The following TM9SF4 variants were observed in gnomAD, a reference collection of about 807,000 sequenced individuals.
TM9SF4 encodes dinucleotide oxidase disulfide thiol exchanger 3 superfamily member 4.
Under a neutral mutation model 90.4 loss-of-function variants are expected in TM9SF4, and 26 were observed. The observed-to-expected ratio is 0.29, with a 90% CI of 0.21 to 0.40. The LOEUF (loss-of-function observed/expected upper bound fraction) is 0.40. TM9SF4 is among the 10% of genes least tolerant of loss of function. TM9SF4 has a pLI of 1.00. For synonymous variants in TM9SF4, 293 were observed against 315.4 expected, an observed-to-expected ratio of 0.93 and a Z score of 0.75; for missense variants, 549 against 834.8, an observed-to-expected ratio of 0.66 and a Z score of 4.22.
At chr20:32,154,966 ACTTT>A (rs1569101900) in intron 12 of TM9SF4, 133 bp from the exon 13 acceptor site, 1 of 697,212 alleles carries the variant, frequency 1.4e-6, no homozygotes, top group African/African-American at 1.7e-5. Flanking sequence ...GTCAGGGAAT[ACTTT>A]CTGGAAGGAA....
At chr20:32,126,179 A>G (rs1246163934) in intron 1 of TM9SF4, among the ~76,000 whole-genome samples, 27 of 151,746 alleles carry the variant, frequency 1.8e-4, no homozygotes, top group Non-Finnish European at 2.9e-5. Flanking sequence ...GAGTCTCCTC[A>G]CTGCACTGAG....
At position 32,166,143 on chromosome 20, in the gene TM9SF4, G is replaced by C. The variant is rs1461573034; in HGVS notation, c.*699G>C. On this transcript the variant is annotated 3_prime_UTR_variant, in exon 18 of 18. Transcript: ENST00000398022. Reference sequence around the variant, plus strand: ...ATCCCCTGGAAGTACTGGGGGCCAGGTTCCCCAGACAGCAGGAATTGCCCC... The same window carrying C: ...ATCCCCTGGAAGTACTGGGGGCCAGCTTCCCCAGACAGCAGGAATTGCCCC... 6.5e-6 allele frequency: 1 copy of C among 152,926 alleles called. No homozygotes were observed. The highest frequency in any genetic ancestry group is 2.4e-5 in the African/African-American group (1 of 41,472). 9.5% of individuals were successfully genotyped at this position (152,926 alleles called of 1,614,324 possible). A position where few individuals can be genotyped will look rare whatever the true frequency, so the allele number is the denominator to read the frequency against.
chr20:32,144,426 G>C (rs570238570), intron 6 of TM9SF4, among the ~76,000 whole-genome samples: 12 of 152,330 alleles, frequency 7.9e-5, no homozygotes, highest in African/African-American at 2.9e-4. Flanking sequence ...GAATGAGTAG[G>C]CATGATGGAA....
chr20:32,161,388 C>T, intron 17 of TM9SF4, 23 bp downstream of exon 17: 2 of 1,602,080 alleles, frequency 1.2e-6, no homozygotes, highest in Non-Finnish European at 1.7e-6. Context: ...TTGAGGAGGT[C>T]CTCTTAGTCC....
chr20:32,131,481 A>AGTGTGTGTGTGTGTGTGTGTGT (rs10524812), intron 1 of TM9SF4, among the ~76,000 whole-genome samples: 7 of 147,556 alleles, frequency 4.7e-5, no homozygotes, highest in African/African-American at 1.5e-4. Context: ...GAGTCATCAG[A>AGTGTGTGTGTGTGTGTGTGTGT]GTGTGTGTGT....
intron 9 of TM9SF4, 142 bp from the exon 10 acceptor site, chr20:32,149,492 G>A (rs1485048094): frequency 2.2e-5 from 23 of 1,044,844 alleles, no homozygotes; most frequent in Admixed American, 7.9e-5. Context: ...TTTCAGATAA[G>A]CACTTTCTCC....
chr20:32,140,567 G>A (rs536713640), intron 3 of TM9SF4, among the ~76,000 whole-genome samples: 7 of 152,188 alleles, frequency 4.6e-5, no homozygotes, highest in Admixed American at 6.5e-5. Context: ...AGCGTTTGAT[G>A]CCTGCCTACT....
chr20:32,116,174 A>G (rs2046219675), intron 1 of TM9SF4: 1 of 152,108 alleles, frequency 6.6e-6, no homozygotes, highest in African/African-American at 2.4e-5. Context: ...ACGTTTACAC[A>G]TATGCAGCTG....
chr20:32,152,774 C>T (rs547576225), intron 12 of TM9SF4, among the ~76,000 whole-genome samples: 2 of 152,320 alleles, frequency 1.3e-5, no homozygotes, highest in Admixed American at 1.3e-4. Context: ...TGCATCAGTC[C>T]TCCAGAGGCT....
At position 32,123,845 on chromosome 20, in the gene TM9SF4, C is replaced by CATATATATATAT. The variant is rs778502518; in HGVS notation, c.16-9157_16-9146dup. Among the ~76,000 whole-genome samples, 21 of 108,690 alleles carry CATATATATATAT rather than the reference C, an allele frequency of 1.9e-4. No homozygotes were observed. The East Asian group carries it at 3.5e-3, about 18-fold the overall frequency. The allele number at this position is 108,690 out of a possible 152,430, so 71.3% of individuals were successfully genotyped here. A position where few individuals can be genotyped will look rare whatever the true frequency, so the allele number is the denominator to read the frequency against. On this transcript the variant is annotated intron_variant, in intron 1 of 17. Transcript: ENST00000398022. ...TCTCTAGCTCACGTGTTCTCTCTCT[C>CATATATATATAT]ATATATATATATATATATATATTTT...
chr20:32,147,437 CTATTCTGCATGCCAAATACA>C (rs1451882419), intron 9 of TM9SF4, among the ~76,000 whole-genome samples: 2 of 152,098 alleles, frequency 1.3e-5, no homozygotes, highest in African/African-American at 4.8e-5. Flanking sequence ...AATTGTAAAA[CTATTCTGCATGCCAAATACA>C]TAAACAAAAC....
At chr20:32,126,896 G>A (rs986231481) in intron 1 of TM9SF4, among the ~76,000 whole-genome samples, 2 of 151,976 alleles carry the variant, frequency 1.3e-5, no homozygotes, top group African/African-American at 2.4e-5. Context: ...CCACCACGCC[G>A]GCTAATTTTT....
In TM9SF4 at chr20:32,157,946, G is replaced by A. The variant is rs751090813; in HGVS notation, c.1482G>A (p.Arg494=). 6.2e-7 allele frequency: 1 copy of A among 1,614,136 alleles called. No individual in the cohort carries two copies. The highest frequency in any genetic ancestry group is 1.1e-5 in the South Asian group (1 of 91,086). Residue 494 remains arginine, a synonymous_variant, in exon 14 of 18, where the codon CGG becomes CGA. Coordinates refer to ENST00000398022, the MANE Select transcript of TM9SF4 (RefSeq NM_014742.4). ...NQIPRQIPEQ[R]WYMNRFVGIL... ...TTCCCCGGCAGATCCCCGAGCAGCG[G>A]TGGTACATGAACCGATTTGTGGGGT...
chr20:32,124,724 T>C (rs1252167164), intron 1 of TM9SF4, among the ~76,000 whole-genome samples: 1 of 152,084 alleles, frequency 6.6e-6, no homozygotes, highest in African/African-American at 2.4e-5. Flanking sequence ...GTAGCTGGGA[T>C]TACAGGCGTG....
At chr20:32,112,188 TC>T in intron 1 of TM9SF4, among the ~76,000 whole-genome samples, 1 of 152,224 alleles carries the variant, frequency 6.6e-6, no homozygotes, top group African/African-American at 2.4e-5. Flanking sequence ...AGCTGGGAGA[TC>T]GCTTGAGCTC....
chr20:32,123,864 A>ATTTT (rs1251272520), intron 1 of TM9SF4, among the ~76,000 whole-genome samples: 1 of 60,198 alleles, frequency 1.7e-5, no homozygotes, highest in Admixed American at 1.6e-4. Context: ...ATATATATAT[A>ATTTT]TATTTTTTTT....
rs372832710 is a variant in TM9SF4 at position 32,136,218 on chromosome 20, A to G, written c.229+45A>G. The G allele has an allele frequency of 3.1e-5, 48 of 1,563,786 alleles. No individual in the cohort carries two copies. The African/African-American group carries it at 4.2e-4, about 14-fold the overall frequency. ...TGCTGTCAACTTGTCCCCAGGGGGA[A>G]CCCAGCATGATTTTTATAATGATAA... On this transcript the variant is annotated intron_variant, in intron 3 of 17. Transcript: ENST00000398022.
At chr20:32,130,568 G>T (rs952878686) in intron 1 of TM9SF4, among the ~76,000 whole-genome samples, 6 of 152,230 alleles carry the variant, frequency 3.9e-5, no homozygotes, top group Non-Finnish European at 5.9e-5. Flanking sequence ...CTAGTCAGGT[G>T]GAGGAGGTCC....
At chr20:32,123,866 A>ATATATATTTTTTTTT in intron 1 of TM9SF4, among the ~76,000 whole-genome samples, 2 of 93,978 alleles carry the variant, frequency 2.1e-5, no homozygotes, top group African/African-American at 9.1e-5. Context: ...ATATATATAT[A>ATATATATTTTTTTTT]TTTTTTTTTT....
Sources: allele counts gnomAD v4.1 joint callset (sites outside exome capture counted in the v4.1 genomes callset), GRCh38; gene constraint gnomAD v4.1.1; transcripts MANE v1.5; gene names NCBI Gene and HGNC (gene_info 2026-07-23, HGNC 2026-07-21).